Variants in PPM1D observed in about 807,000 individuals in gnomAD.
The protein encoded by PPM1D is protein phosphatase, Mg2+/Mn2+ dependent 1D.
PPM1D carries 52 observed loss-of-function variants against 58.3 expected under a neutral mutation model. That is an observed-to-expected ratio of 0.89 (90% CI 0.71 to 1.12). The LOEUF (loss-of-function observed/expected upper bound fraction) is 1.12. PPM1D is among the 50% of genes most tolerant of loss of function. The pLI is 0.00. For synonymous variants in PPM1D, 278 were observed against 285.1 expected (o/e 0.98, Z 0.25); for missense variants, 564 against 777.2 (o/e 0.73, Z 3.26).
At chr17:60,635,951 G>A (rs2031015927) in intron 3 of PPM1D, among the ~76,000 whole-genome samples, 2 of 152,142 alleles carry the variant, frequency 1.3e-5, no homozygotes, top group Non-Finnish European at 2.9e-5. Context: ...CTGGCTCAGG[G>A]TCTCTTGTGT....
intron 2 of PPM1D, among the ~76,000 whole-genome samples, chr17:60,633,115 A>G (rs1356719545): frequency 2.0e-5 from 3 of 150,866 alleles, no homozygotes; most frequent in East Asian, 3.9e-4. Context: ...CTGAAACCCC[A>G]TCTCTGCTAA....
rs752448334 is a variant in PPM1D at position 60,663,133 on chromosome 17, C to T, written c.1399C>T (p.Pro467Ser). 1.2e-6 allele frequency: 2 copies of T among 1,614,046 alleles called. No homozygotes were observed. Among genetic ancestry groups the T allele is most frequent in the South Asian group, 2.2e-5 (2 of 91,074 alleles). Residue 467 changes from proline to serine, a missense_variant, in exon 6 of 6, where the codon CCC (proline) becomes TCC (serine). Pro to Ser is a moderately conservative substitution (Grantham distance 74, BLOSUM62 -1). Around this residue, in one of 7 missense-constraint regions of PPM1D, gnomAD observed 261 missense variants for 270.1 expected, o/e 0.97. Coordinates refer to ENST00000305921, the MANE Select transcript of PPM1D (RefSeq NM_003620.4). ...ARENVQGVVIPSKDPEPLEEN... is the reference protein window; with the variant it reads ...ARENVQGVVISSKDPEPLEEN... ...AGAGAATGTCCAAGGTGTAGTCATA[C>T]CCTCAAAAGATCCAGAACCACTTGA... is the stretch of plus-strand genomic sequence containing the variant.
At chr17:60,657,130 T>TA in intron 5 of PPM1D, 1 of 1,190,026 alleles carries the variant, frequency 8.4e-7, no homozygotes, top group Non-Finnish European at 1.1e-6. Flanking sequence ...GTGAAGCACT[T>TA]AAATATATTT....
At chr17:60,619,240 G>A (rs1376562558) in intron 1 of PPM1D, among the ~76,000 whole-genome samples, 2 of 150,424 alleles carry the variant, frequency 1.3e-5, no homozygotes, top group Non-Finnish European at 3.0e-5. Context: ...ATGGCTGAAC[G>A]ATATTCCATT....
intron 1 of PPM1D, among the ~76,000 whole-genome samples, chr17:60,602,494 C>T (rs898307041): frequency 6.6e-6 from 1 of 151,202 alleles, no homozygotes. Flanking sequence ...GTTGCCCAGG[C>T]TGGGCAACAA....
intron 1 of PPM1D, among the ~76,000 whole-genome samples, chr17:60,621,397 G>GT (rs2030699035): frequency 6.6e-6 from 1 of 150,578 alleles, no homozygotes; most frequent in Non-Finnish European, 1.5e-5. Flanking sequence ...TTGTTTGTTT[G>GT]TTTGTTTGTT....
At chr17:60,641,230 C>T (rs942668352) in intron 3 of PPM1D, among the ~76,000 whole-genome samples, 8 of 152,222 alleles carry the variant, frequency 5.3e-5, no homozygotes, top group African/African-American at 1.9e-4. Flanking sequence ...TATAAGCATT[C>T]CCTTTTCTCT....
At chr17:60,611,049 G>C (rs2030443663) in intron 1 of PPM1D, among the ~76,000 whole-genome samples, 1 of 152,184 alleles carries the variant, frequency 6.6e-6, no homozygotes. Context: ...GTCTCGCTCT[G>C]TTGCCCTGTT....
intron 1 of PPM1D, among the ~76,000 whole-genome samples, chr17:60,616,016 G>GT (rs1243754498): frequency 2.0e-5 from 3 of 151,330 alleles, no homozygotes; most frequent in South Asian, 2.1e-4. Context: ...TTTTGTTTTT[G>GT]TTTTTTTTGG....
intron 3 of PPM1D, among the ~76,000 whole-genome samples, chr17:60,642,749 C>T (rs922771727): frequency 3.9e-5 from 6 of 152,092 alleles, no homozygotes; most frequent in Non-Finnish European, 7.4e-5. Context: ...GAGCCACTGC[C>T]TCCGGCCAGG....
At chr17:60,603,422 A>G (rs977917811) in intron 1 of PPM1D, among the ~76,000 whole-genome samples, 7 of 152,140 alleles carry the variant, frequency 4.6e-5, no homozygotes, top group African/African-American at 1.7e-4. Flanking sequence ...TAGTGGTGGG[A>G]GGAGTGGGGT....
At chr17:60,646,054 C>A (rs2031245954) in intron 3 of PPM1D, among the ~76,000 whole-genome samples, 1 of 152,044 alleles carries the variant, frequency 6.6e-6, no homozygotes, top group African/African-American at 2.4e-5. Context: ...GTAGGAGGAT[C>A]ACTTGAGCCC....
intron 5 of PPM1D, among the ~76,000 whole-genome samples, 185 bp from the exon 6 acceptor site, chr17:60,662,810 T>A (rs2031547762): frequency 6.6e-6 from 1 of 152,224 alleles, no homozygotes. Flanking sequence ...TATTGTCTTC[T>A]CACTCAGGTT....
chr17:60,649,714 T>TTCAC (rs1272497302), intron 4 of PPM1D, among the ~76,000 whole-genome samples: 30 of 152,232 alleles, frequency 2.0e-4, no homozygotes, highest in African/African-American at 7.0e-4. Context: ...CCTCCATTCA[T>TTCAC]TCACTCAATT....
At chr17:60,644,403 T>A (rs556185720) in intron 3 of PPM1D, among the ~76,000 whole-genome samples, 1 of 152,204 alleles carries the variant, frequency 6.6e-6, no homozygotes, top group African/African-American at 2.4e-5. Context: ...CCCAAAGTGC[T>A]GGGATTACAG....
At chr17:60,659,512 A>G (rs981487265) in intron 5 of PPM1D, among the ~76,000 whole-genome samples, 10 of 152,240 alleles carry the variant, frequency 6.6e-5, no homozygotes, top group Non-Finnish European at 1.5e-4. Context: ...AAATTTAGCT[A>G]TGTTTTACAA....
At chr17:60,654,828 A>G (rs2031404942) in intron 4 of PPM1D, among the ~76,000 whole-genome samples, 1 of 151,282 alleles carries the variant, frequency 6.6e-6, no homozygotes, top group African/African-American at 2.4e-5. Flanking sequence ...AGGTCTTGCC[A>G]TTGCACTCCA....
At chr17:60,611,438 G>C (rs1301974515) in intron 1 of PPM1D, among the ~76,000 whole-genome samples, 1 of 149,218 alleles carries the variant, frequency 6.7e-6, no homozygotes, top group Non-Finnish European at 1.5e-5. Flanking sequence ...GTTTTGTTGG[G>C]TTTTTTTTTG....
At chr17:60,637,807 G>A (rs1290806034) in intron 3 of PPM1D, among the ~76,000 whole-genome samples, 1 of 152,200 alleles carries the variant, frequency 6.6e-6, no homozygotes, top group Admixed American at 6.6e-5. Flanking sequence ...AAAAGAGTTA[G>A]GGGATGTGAA....
Sources: allele counts gnomAD v4.1 joint callset (sites outside exome capture counted in the v4.1 genomes callset), GRCh38; gene constraint gnomAD v4.1.1; regional missense constraint gnomAD v4.1.1; transcripts MANE v1.5; gene names NCBI Gene and HGNC (gene_info 2026-07-23, HGNC 2026-07-21).